Variants in MLPH observed in about 807,000 individuals in gnomAD.
MLPH encodes exophilin-3.
A neutral mutation model predicts 72.1 loss-of-function variants in MLPH; 51 were observed. The observed-to-expected ratio is 0.71, with a 90% CI of 0.56 to 0.89. The LOEUF is 0.89. Ranked by LOEUF, MLPH falls within the 40% of genes least tolerant of loss-of-function variation. MLPH has a pLI of 0.00. For missense variants in MLPH, 743 were observed against 759.9 expected, an observed-to-expected ratio of 0.98 and a Z score of 0.26; for synonymous variants, 301 against 310.1, an observed-to-expected ratio of 0.97 and a Z score of 0.31.
chr2:237,540,322 C>G (rs745568343), intron 9 of MLPH, 26 bp from the exon 10 acceptor site: 8 of 1,612,430 alleles, frequency 5.0e-6, no homozygotes, highest in Non-Finnish European at 6.8e-6. Context: ...CTAGCCGAAT[C>G]CAAATCCACT....
chr2:237,546,559 G>A, intron 12 of MLPH, 47 bp from the exon 13 acceptor site: 1 of 1,538,842 alleles, frequency 6.5e-7, no homozygotes, highest in Non-Finnish European at 9.0e-7. Flanking sequence ...GCTCCTCCCT[G>A]TGGCTGGAGG....
At chr2:237,531,787 C>G (rs1487474409) in intron 8 of MLPH, among the ~76,000 whole-genome samples, 1 of 151,986 alleles carries the variant, frequency 6.6e-6, no homozygotes, top group Admixed American at 6.6e-5. Context: ...CAAATGGGGC[C>G]CAAAGTGGAC....
Position 237,542,563 on chromosome 2 carries a change from G to T in MLPH, c.1447-4G>T, listed in dbSNP as rs753243317. On this transcript the variant is annotated splice_region_variant and splice_polypyrimidine_tract_variant and intron_variant, in intron 11 of 15. Transcript: ENST00000264605. ...CGGGCCTTCTGTCTGCTGTCCTCTCGCAGGTTTCAGACATTGAATCCAGGA... is the reference window on the plus strand; with the variant it reads ...CGGGCCTTCTGTCTGCTGTCCTCTCTCAGGTTTCAGACATTGAATCCAGGA... 5 of 1,593,974 alleles carry T rather than the reference G, an allele frequency of 3.1e-6. No individual in the cohort carries two copies. The Admixed American group carries it at 5.2e-5, about 17-fold the overall frequency.
Position 237,510,589 on chromosome 2 carries a change from G to A in MLPH, c.126G>A (p.Lys42=), listed in dbSNP as rs2079870808. The A allele has an allele frequency of 6.2e-7, 1 of 1,613,250 alleles. No homozygotes were observed. Among genetic ancestry groups the A allele is most frequent in the African/African-American group, 1.3e-5 (1 of 74,944 alleles). ...TTTTCCCAAGGGCGTTGAAGGGCAAGATTAAGAAGGAAAGCTCCAAGAGGG... is the reference window on the plus strand; with the variant it reads ...TTTTCCCAAGGGCGTTGAAGGGCAAAATTAAGAAGGAAAGCTCCAAGAGGG... ...EEERLEALKG[K]IKKESSKREL... The change falls in exon 3 of 16, where the codon AAG becomes AAA. Residue 42 remains lysine, a synonymous_variant. Coordinates refer to ENST00000264605, the MANE Select transcript of MLPH (RefSeq NM_024101.7). The surrounding 1 kb of genome is among the most constrained non-coding windows in gnomAD (Gnocchi z 4.4).
intron 8 of MLPH, among the ~76,000 whole-genome samples, chr2:237,532,682 C>CT (rs1309243703): frequency 3.9e-5 from 6 of 152,212 alleles, no homozygotes; most frequent in African/African-American, 1.4e-4. Context: ...CCGTACATAT[C>CT]TAAGTAATGT....
intron 2 of MLPH, among the ~76,000 whole-genome samples, chr2:237,497,937 G>A (rs1016057163): frequency 1.2e-4 from 18 of 152,294 alleles, no homozygotes; most frequent in Middle Eastern, 6.8e-3. Flanking sequence ...AGTAGGTGGC[G>A]GTAACAAATG....
intron 4 of MLPH, 81 bp from the exon 5 acceptor site, chr2:237,518,458 A>C (rs1295896183): frequency 2.4e-5 from 27 of 1,134,922 alleles, no homozygotes; most frequent in Non-Finnish European, 3.5e-5. Context: ...AGATTAGTGG[A>C]TGGATGGGTG....
At chr2:237,517,982 G>A (rs74832280) in intron 4 of MLPH, 37,652 of 213,166 alleles carry the variant, frequency 0.18, 4,250 homozygotes, top group African/African-American at 0.34. Context: ...TGAGTGGATG[G>A]ATGGATAAAT....
intron 9 of MLPH, among the ~76,000 whole-genome samples, chr2:237,535,320 C>A (rs1289520735): frequency 6.6e-6 from 1 of 152,042 alleles, no homozygotes; most frequent in Admixed American, 6.6e-5. Context: ...AAGGCAGAGC[C>A]CTCACGACCT....
In MLPH at chr2:237,549,233, C is replaced by T. The variant is rs766111243; in HGVS notation, c.1630C>T (p.Pro544Ser). 3.7e-6 allele frequency: 6 copies of T among 1,614,126 alleles called. No homozygotes were observed. In the South Asian group the frequency reaches 6.6e-5, roughly 18 times the overall value. Residue 544 changes from proline (P) to serine (S), a missense_variant, in exon 14 of 16, where the codon CCC becomes TCC. Pro to Ser is a moderately conservative substitution (Grantham distance 74). Transcript: ENST00000264605. Reference sequence around the variant, plus strand: ...CTGTTTCTTCTAGGCAATGGCTGTGCCCTATCTTCTGAGAAGAAAGTTCAG... The same window carrying T: ...CTGTTTCTTCTAGGCAATGGCTGTGTCCTATCTTCTGAGAAGAAAGTTCAG... ...PSSEAKAMAV[P>S]YLLRRKFSNS...
At chr2:237,542,491 C>T in intron 11 of MLPH, 76 bp from the exon 12 acceptor site, 7 of 1,223,346 alleles carry the variant, frequency 5.7e-6, no homozygotes, top group Non-Finnish European at 7.1e-6. Context: ...GGGGCAGCTG[C>T]TCTTTCTGTC....
In MLPH at chr2:237,552,650, G is replaced by T. The variant is rs531908464; in HGVS notation, c.1776+213G>T. Reference sequence around the variant, plus strand: ...AATTAGAATAATATCTTGTGTTTTAGAGCTTTAAATTTTCAAATATCTGCT... The same window carrying T: ...AATTAGAATAATATCTTGTGTTTTATAGCTTTAAATTTTCAAATATCTGCT... On this transcript the variant is annotated intron_variant, in intron 15 of 15. Transcript: ENST00000264605. Among the ~76,000 whole-genome samples, 34 of 152,354 alleles carry T rather than the reference G, an allele frequency of 2.2e-4. No individual in the cohort carries two copies. The South Asian group carries it at 6.0e-3, about 27-fold the overall frequency.
At chr2:237,550,606 A>G (rs367784737) in intron 14 of MLPH, among the ~76,000 whole-genome samples, 1 of 152,034 alleles carries the variant, frequency 6.6e-6, no homozygotes, top group East Asian at 1.9e-4. Flanking sequence ...CTGGAGTGCA[A>G]TGGCGTGATC....
chr2:237,532,102 C>G (rs1431161213), intron 8 of MLPH, among the ~76,000 whole-genome samples: 1 of 152,204 alleles, frequency 6.6e-6, no homozygotes, highest in African/African-American at 2.4e-5. Flanking sequence ...CGATCCTGTA[C>G]TTCAGAGAAA....
At chr2:237,518,857 C>T (rs1330067456) in intron 5 of MLPH, among the ~76,000 whole-genome samples, 3 of 152,204 alleles carry the variant, frequency 2.0e-5, no homozygotes, top group African/African-American at 7.2e-5. Flanking sequence ...CTTCCACCAT[C>T]AGAAACCTCA....
chr2:237,497,932 G>T (rs1467111688), intron 2 of MLPH, among the ~76,000 whole-genome samples: 1 of 152,194 alleles, frequency 6.6e-6, no homozygotes, highest in Non-Finnish European at 1.5e-5. Flanking sequence ...CACTAAGTAG[G>T]TGGCGGTAAC....
Position 237,513,211 on chromosome 2 carries a change from G to A in MLPH, c.445+2110G>A, listed in dbSNP as rs1022682016. Among the ~76,000 whole-genome samples, 3 of 152,358 alleles carry A rather than the reference G, an allele frequency of 2.0e-5. No homozygotes were observed. The East Asian group carries it at 5.8e-4, about 29-fold the overall frequency. On this transcript the variant is annotated intron_variant, in intron 4 of 15. Transcript: ENST00000264605. Reference sequence around the variant, plus strand: ...GTCCAGCTAGTAAGTGGGCCTCTGGGGGTCTTCATTGAGTGAACCTTCAGA... The same window carrying A: ...GTCCAGCTAGTAAGTGGGCCTCTGGAGGTCTTCATTGAGTGAACCTTCAGA...
At chr2:237,545,920 T>A (rs1271153069) in intron 12 of MLPH, among the ~76,000 whole-genome samples, 1 of 152,158 alleles carries the variant, frequency 6.6e-6, no homozygotes, top group Non-Finnish European at 1.5e-5. Context: ...CTCAGTCAAT[T>A]TGGAAAGTTT....
chr2:237,538,270 G>T (rs2080582113), intron 9 of MLPH, among the ~76,000 whole-genome samples: 1 of 152,218 alleles, frequency 6.6e-6, no homozygotes, highest in African/African-American at 2.4e-5. Flanking sequence ...ACTCAGCATA[G>T]ACAGGGTCAC....
Sources: allele counts gnomAD v4.1 joint callset (sites outside exome capture counted in the v4.1 genomes callset), GRCh38; gene constraint gnomAD v4.1.1; non-coding constraint Gnocchi (gnomAD v3.1); transcripts MANE v1.5; gene names NCBI Gene and HGNC (gene_info 2026-07-23, HGNC 2026-07-21).